The following LCOR variants were observed in gnomAD, a reference collection of about 807,000 sequenced individuals.
LCOR encodes ligand-dependent corepressor.
In LCOR, 14 loss-of-function variants were observed where a neutral mutation model predicts 64.4. That is an observed-to-expected ratio of 0.22 (90% CI 0.14 to 0.34). LCOR has a LOEUF of 0.34. LCOR is among the 10% of genes least tolerant of loss of function. The probability of loss-of-function intolerance (pLI) is 1.00; values close to 1 mark genes in which losing one functional copy is unlikely to be tolerated. For missense variants in LCOR, 1,686 were observed against 1,765.3 expected (o/e 0.96, Z 0.80); for synonymous variants, 643 against 642.5 (o/e 1.00, Z -0.01).
intron 3 of LCOR, 95 bp from the exon 4 acceptor site, chr10:96,907,573 T>G (rs1316758348): frequency 1.9e-5 from 8 of 429,086 alleles, no homozygotes; most frequent in Non-Finnish European, 2.5e-5. Flanking sequence ...GCCTAACTAC[T>G]TAGTTTTTTG....
rs1848231814 is a variant in LCOR, at chr10:96,995,107, T to A, written c.*9973T>A. ...TTAGGCCGCAACCTTTCTGAATGAG[T>A]TTAGGGCAGGGGCTGCTGATCCGGC... On this transcript the variant is annotated 3_prime_UTR_variant, in exon 8 of 8. Transcript: ENST00000421806. This position sits in a 1 kb window ranked among gnomAD's most constrained non-coding sequence, Gnocchi z 4.2. 1 of 152,170 alleles carries A rather than the reference T, an allele frequency of 6.6e-6. No homozygotes were observed. The highest frequency in any genetic ancestry group is 1.5e-5 in the Non-Finnish European group (1 of 68,020). The allele number at this position is 152,170 out of a possible 1,614,324, so 9.4% of individuals were successfully genotyped here. A position where few individuals can be genotyped will look rare whatever the true frequency, so the allele number is the denominator to read the frequency against.
At chr10:96,929,110 G>A (rs796595203) in intron 4 of LCOR, among the ~76,000 whole-genome samples, 10 of 152,270 alleles carry the variant, frequency 6.6e-5, no homozygotes, top group African/African-American at 1.7e-4. Context: ...TTGGGGAATC[G>A]TAAATGAGCA....
chr10:96,984,200 C>T lies in LCOR; in HGVS notation c.3740C>T (p.Pro1247Leu). ...KHLKKFPGAT[P>L]AKNNWKMQKL... is the part of the protein sequence containing the mutation. Reference sequence around the variant, plus strand: ...TTGAAGAAATTTCCTGGAGCTACCCCTGCTAAGAATAATTGGAAAATGCAG... The same window carrying T: ...TTGAAGAAATTTCCTGGAGCTACCCTTGCTAAGAATAATTGGAAAATGCAG... Residue 1247 changes from proline (P) to leucine (L), a missense_variant, in exon 8 of 8, where the codon CCT (proline) becomes CTT (leucine). Coordinates refer to ENST00000421806, the MANE Select transcript of LCOR (RefSeq NM_001346516.2). 1 of 1,614,118 alleles carries T rather than the reference C, an allele frequency of 6.2e-7. No homozygotes were observed. The highest frequency in any genetic ancestry group is 1.1e-5 in the South Asian group (1 of 91,090).
At chr10:96,957,002 T>C (rs1847794272) in intron 7 of LCOR, 1 of 985,302 alleles carries the variant, frequency 1.0e-6, no homozygotes, top group Non-Finnish European at 1.2e-6. Context: ...AGTGTCCACA[T>C]TAATGAAGGA....
At chr10:96,862,494 G>T (rs1351087560) in intron 2 of LCOR, among the ~76,000 whole-genome samples, 2 of 152,122 alleles carry the variant, frequency 1.3e-5, no homozygotes, top group Admixed American at 6.6e-5. Flanking sequence ...TCAAACTCCT[G>T]ACCTCAGGTG....
intron 4 of LCOR, among the ~76,000 whole-genome samples, chr10:96,913,223 A>G (rs1846876072): frequency 6.6e-6 from 1 of 152,094 alleles, no homozygotes; most frequent in Non-Finnish European, 1.5e-5. Context: ...TTGGTACTAG[A>G]GTGTCATTGC....
chr10:96,857,782 GAA>G (rs1845829649), intron 2 of LCOR, among the ~76,000 whole-genome samples: 1 of 152,172 alleles, frequency 6.6e-6, no homozygotes, highest in Non-Finnish European at 1.5e-5. Context: ...TGGACACACT[GAA>G]GTTTGGAAAC....
intron 7 of LCOR, among the ~76,000 whole-genome samples, chr10:96,954,128 C>T (rs1233793719): frequency 6.6e-6 from 1 of 152,134 alleles, no homozygotes; most frequent in Non-Finnish European, 1.5e-5. Context: ...TTATATCCCT[C>T]TGACAGTAAT....
intron 4 of LCOR, among the ~76,000 whole-genome samples, chr10:96,916,618 A>ATATAT (rs1846954500): frequency 3.1e-5 from 4 of 130,190 alleles, no homozygotes; most frequent in African/African-American, 1.4e-4. Flanking sequence ...TATATATATG[A>ATATAT]TTATTTATTT....
Position 96,986,227 on chromosome 10 carries a change from A to C in LCOR, c.*1093A>C, listed in dbSNP as rs1848148926. On this transcript the variant is annotated 3_prime_UTR_variant, in exon 8 of 8. Coordinates refer to ENST00000421806, the MANE Select transcript of LCOR (RefSeq NM_001346516.2). ...TATGCAGTGTGCTTGGGTGTCCCTG[A>C]GTTGAGTAATTAGCAAAGGACAGAT... The C allele has an allele frequency of 6.0e-6, 1 of 166,928 alleles. No individual in the cohort carries two copies. The highest frequency in any genetic ancestry group is 1.5e-5 in the Non-Finnish European group (1 of 68,114). 10.3% of individuals were successfully genotyped at this position (166,928 alleles called of 1,614,324 possible).
chr10:96,897,615 T>G (rs915350704), intron 2 of LCOR, among the ~76,000 whole-genome samples: 1 of 152,236 alleles, frequency 6.6e-6, no homozygotes, highest in Admixed American at 6.5e-5. Context: ...TACTGTATTC[T>G]GATAATGTTC....
intron 5 of LCOR, among the ~76,000 whole-genome samples, chr10:96,946,009 T>G (rs1289515389): frequency 6.6e-6 from 1 of 152,042 alleles, no homozygotes; most frequent in Non-Finnish European, 1.5e-5. Context: ...TAGGATAGAT[T>G]TCAAGAGATG....
chr10:96,914,649 C>G (rs1846906527), intron 4 of LCOR, among the ~76,000 whole-genome samples: 1 of 152,214 alleles, frequency 6.6e-6, no homozygotes, highest in African/African-American at 2.4e-5. Context: ...CTTTCAAACT[C>G]CCTTCTTCAG....
chr10:96,971,450 A>G (rs1023121954), intron 7 of LCOR, among the ~76,000 whole-genome samples: 2 of 152,208 alleles, frequency 1.3e-5, no homozygotes, highest in Non-Finnish European at 2.9e-5. Context: ...TGGAAAGGAC[A>G]AAGTCCTTGA....
intron 2 of LCOR, among the ~76,000 whole-genome samples, chr10:96,897,113 A>G (rs1044919371): frequency 2.0e-5 from 3 of 151,702 alleles, no homozygotes; most frequent in Admixed American, 6.6e-5. Flanking sequence ...AAAAAAAAAA[A>G]AAAACCCAAA....
intron 4 of LCOR, among the ~76,000 whole-genome samples, chr10:96,940,263 AAG>A (rs1847427197): frequency 1.3e-5 from 2 of 151,668 alleles, no homozygotes; most frequent in Non-Finnish European, 2.9e-5. Flanking sequence ...AAATTTATAA[AAG>A]AATGTTGGCA....
intron 2 of LCOR, among the ~76,000 whole-genome samples, chr10:96,852,812 C>G (rs760460437): frequency 2.6e-5 from 4 of 151,894 alleles, no homozygotes; most frequent in Non-Finnish European, 4.4e-5. Context: ...ACTATTTTGC[C>G]TCTATTTTTG....
At chr10:96,978,746 A>G (rs999497992) in intron 7 of LCOR, among the ~76,000 whole-genome samples, 2 of 152,196 alleles carry the variant, frequency 1.3e-5, no homozygotes, top group Admixed American at 1.3e-4. Flanking sequence ...GATTTGACTA[A>G]TTTCTTGGTT....
At chr10:96,885,381 T>C (rs1846324981) in intron 2 of LCOR, among the ~76,000 whole-genome samples, 1 of 151,990 alleles carries the variant, frequency 6.6e-6, no homozygotes, top group African/African-American at 2.4e-5. Flanking sequence ...TTTGTTTTTG[T>C]TTTTGTTTTC....
Sources: allele counts gnomAD v4.1 joint callset (sites outside exome capture counted in the v4.1 genomes callset), GRCh38; gene constraint gnomAD v4.1.1; non-coding constraint Gnocchi (gnomAD v3.1); transcripts MANE v1.5; gene names NCBI Gene and HGNC (gene_info 2026-07-23, HGNC 2026-07-21).